CD80: variants seen among roughly 807,000 people sequenced by gnomAD.
CD80 encodes CD80 molecule.
CD80 carries 13 observed loss-of-function variants against 27.1 expected under a neutral mutation model. The observed-to-expected ratio is 0.48, with a 90% CI of 0.31 to 0.76. The LOEUF is 0.76. Among genes scored for constraint, CD80 ranks in the 30% least tolerant of loss-of-function variants. The probability of loss-of-function intolerance (pLI) is 0.04; values close to 1 mark genes in which losing one functional copy is unlikely to be tolerated. For synonymous variants in CD80, 125 were observed against 125.5 expected (o/e 1.00, Z 0.03); for missense variants, 277 against 347.9 (o/e 0.80, Z 1.62).
At chr3:119,528,284 C>G (rs1221977207) in intron 5 of CD80, among the ~76,000 whole-genome samples, 1 of 152,154 alleles carries the variant, frequency 6.6e-6, no homozygotes, top group Non-Finnish European at 1.5e-5. Flanking sequence ...ACAGCACATA[C>G]TCTCTAAAGA....
intron 3 of CD80, among the ~76,000 whole-genome samples, chr3:119,538,307 T>C (rs558956647): frequency 5.8e-4 from 89 of 152,314 alleles, no homozygotes; most frequent in African/African-American, 2.0e-3. Flanking sequence ...CCCTTTCTTC[T>C]CTTCTCTTCT....
rs778799877 is a variant in CD80 at position 119,537,435 on chromosome 3, A to G, written c.419-17T>C. On this transcript the variant is annotated splice_polypyrimidine_tract_variant and intron_variant, in intron 3 of 6. Coordinates refer to ENST00000264246, the MANE Select transcript of CD80 (RefSeq NM_005191.4). Reference sequence around the variant, plus strand: ...GGAAGTCAGCTAAAGAAAGAACAAGAATATATAATTACGTATAGTTACAAA... The same window carrying G: ...GGAAGTCAGCTAAAGAAAGAACAAGGATATATAATTACGTATAGTTACAAA... The G allele has an allele frequency of 5.9e-6, 9 of 1,528,472 alleles. No homozygotes were observed. In the Admixed American group the frequency reaches 1.0e-4, roughly 17 times the overall value. 94.7% of individuals were successfully genotyped at this position (1,528,472 alleles called of 1,614,324 possible).
chr3:119,548,626 G>C (rs1400070745), intron 2 of CD80, among the ~76,000 whole-genome samples: 1 of 152,122 alleles, frequency 6.6e-6, no homozygotes, highest in Non-Finnish European at 1.5e-5. Context: ...CAGGCTTTTA[G>C]GGCCATTCTT....
At chr3:119,559,250 C>A (rs889083552) in intron 1 of CD80, among the ~76,000 whole-genome samples, 190 bp downstream of exon 1, 1 of 152,150 alleles carries the variant, frequency 6.6e-6, no homozygotes, top group Non-Finnish European at 1.5e-5. Context: ...CCACAATTCT[C>A]ACTATGATGC....
rs2082191031 is a variant in CD80 at position 119,544,812 on chromosome 3, G to A, written c.156C>T (p.His52=). 6.2e-7 allele frequency: 1 copy of A among 1,614,146 alleles called. No individual in the cohort carries two copies. The highest frequency in any genetic ancestry group is 2.2e-5 in the East Asian group (1 of 44,880). Residue 52 remains histidine, a synonymous_variant, in exon 3 of 7, where the codon CAC becomes CAT. Coordinates refer to ENST00000264246, the MANE Select transcript of CD80 (RefSeq NM_005191.4). ...GTGCCAGCTCTTCAACAGAAACATT[G>A]TGACCACAGGACAGCGTTGCCACTT... ...VKEVATLSCG[H]NVSVEELAQT...
At chr3:119,534,531 A>G (rs949171959) in intron 4 of CD80, among the ~76,000 whole-genome samples, 2 of 152,200 alleles carry the variant, frequency 1.3e-5, no homozygotes, top group African/African-American at 2.4e-5. Context: ...AATATTTACT[A>G]TCTGGCTCTA....
chr3:119,539,661 G>A (rs1438404339), intron 3 of CD80, among the ~76,000 whole-genome samples: 1 of 152,196 alleles, frequency 6.6e-6, no homozygotes, highest in Non-Finnish European at 1.5e-5. Context: ...GAACATAGGA[G>A]AAAGATACCT....
At chr3:119,548,472 G>A (rs139456283) in intron 2 of CD80, among the ~76,000 whole-genome samples, 6 of 152,234 alleles carry the variant, frequency 3.9e-5, no homozygotes, top group African/African-American at 1.4e-4. Context: ...TCAGCCCCAG[G>A]GGATATGAAA....
intron 3 of CD80, among the ~76,000 whole-genome samples, chr3:119,539,913 G>C (rs2082158164): frequency 6.6e-6 from 1 of 152,156 alleles, no homozygotes; most frequent in South Asian, 2.1e-4. Flanking sequence ...CTAATACCCA[G>C]GGTTGTAAGA....
At chr3:119,535,323 A>G (rs2082131328) in intron 4 of CD80, among the ~76,000 whole-genome samples, 1 of 152,230 alleles carries the variant, frequency 6.6e-6, no homozygotes, top group Admixed American at 6.5e-5. Context: ...GAATTAAGAC[A>G]TGCCATATAG....
chr3:119,546,815 AACAC>A (rs10661634), intron 2 of CD80, among the ~76,000 whole-genome samples: 48 of 149,362 alleles, frequency 3.2e-4, no homozygotes, highest in African/African-American at 7.6e-4. Flanking sequence ...GTGATGCAAC[AACAC>A]ACACACACAC....
chr3:119,547,063 T>C (rs981932165), intron 2 of CD80, among the ~76,000 whole-genome samples: 6 of 152,330 alleles, frequency 3.9e-5, no homozygotes, highest in African/African-American at 1.2e-4. Flanking sequence ...CTCTCAGGAC[T>C]GCCTACTTCC....
rs763844074 is a variant in CD80, at chr3:119,529,937, G to T, written c.701C>A (p.Thr234Asn). The change falls in exon 5 of 7, where the codon ACC becomes AAC. Residue 234 changes from threonine (T) to asparagine (N), a missense_variant and splice_region_variant. By Grantham distance (65) the Thr-to-Asn change is moderately conservative. Transcript: ENST00000264246. ...GTTATCAGGAAAATGCTCTTGCTTG[G>T]CTATGGAGGGAAAAGAATAATGTCA... ...RVNQTFNWNT[T>N]KQEHFPDNLL... The T allele has an allele frequency of 6.2e-7, 1 of 1,602,612 alleles. No homozygotes were observed. Among genetic ancestry groups the T allele is most frequent in the Non-Finnish European group, 8.5e-7 (1 of 1,169,618 alleles).
rs563008832 is a variant in CD80, at chr3:119,525,905, T to A, written c.*39-156A>T. Among the ~76,000 whole-genome samples the A allele has an allele frequency of 5.4e-5, 8 of 148,286 alleles. No individual in the cohort carries two copies. In the South Asian group the frequency reaches 1.5e-3, roughly 27 times the overall value. Reference sequence around the variant, plus strand: ...TAATTATATATGTATATATATATATTTTAAATATAAGATCTTAATTTTAAT... The same window carrying A: ...TAATTATATATGTATATATATATATATTAAATATAAGATCTTAATTTTAAT... On this transcript the variant is annotated intron_variant, in intron 6 of 6. Coordinates refer to ENST00000264246, the MANE Select transcript of CD80 (RefSeq NM_005191.4).
At chr3:119,557,286 G>A (rs2082269886) in intron 2 of CD80, among the ~76,000 whole-genome samples, 1 of 152,156 alleles carries the variant, frequency 6.6e-6, no homozygotes, top group African/African-American at 2.4e-5. Flanking sequence ...TAGACTCCGA[G>A]GCCAGTATCG....
chr3:119,525,965 T>G (rs2082063916), intron 6 of CD80, among the ~76,000 whole-genome samples: 1 of 151,608 alleles, frequency 6.6e-6, no homozygotes, highest in Admixed American at 6.6e-5. Flanking sequence ...AGATCAAGGG[T>G]ATTCCCAGCT....
Position 119,550,928 on chromosome 3 carries a change from C to A in CD80, c.101-6061G>T, listed in dbSNP as rs141294457. ...CTGACTCTCCTTGAACAGCGCCATC[C>A]TCCCTGCCCCCCTCCATCCTGCTAC... On this transcript the variant is annotated intron_variant, in intron 2 of 6. Coordinates refer to ENST00000264246, the MANE Select transcript of CD80 (RefSeq NM_005191.4). Among the ~76,000 whole-genome samples, 986 of 152,302 alleles carry A rather than the reference C, an allele frequency of 6.5e-3. 24 individuals are homozygous for A. The highest frequency in any genetic ancestry group is 0.051 in the South Asian group (246 of 4,820).
chr3:119,527,772 T>A lies in CD80; in HGVS notation c.866A>T (p.Ter289LeuextTer12), dbSNP rs1466326158. The A allele has an allele frequency of 6.2e-7, 1 of 1,613,382 alleles. No homozygotes were observed. Residue 289 changes from the stop codon to leucine, a stop_lost, in exon 6 of 7, where the codon TAA becomes TTA. Coordinates refer to ENST00000264246, the MANE Select transcript of CD80 (RefSeq NM_005191.4). ...RLRRESVRPV[*>L] ...AGCCCCTTGCTTCTGCGGACACTGT[T>A]ATACAGGGCGTACACTTTCCCTTCT...
At chr3:119,532,638 T>TA (rs1454738687) in intron 4 of CD80, among the ~76,000 whole-genome samples, 4 of 152,346 alleles carry the variant, frequency 2.6e-5, no homozygotes, top group Non-Finnish European at 5.9e-5. Flanking sequence ...TTTCAGTGAA[T>TA]AACAATACCA....
Sources: gnomAD v4.1 joint callset for allele counts (sites outside exome capture counted in the v4.1 genomes callset) on GRCh38, gnomAD v4.1.1 for gene constraint, MANE v1.5 for transcripts, NCBI Gene and HGNC (gene_info 2026-07-23, HGNC 2026-07-21) for gene names.